MTRES1: variants seen among roughly 807,000 people sequenced by gnomAD.
MTRES1 encodes the protein mitochondrial transcription rescue factor 1.
Under a neutral mutation model 17.4 loss-of-function variants are expected in MTRES1, and 11 were observed. The observed-to-expected ratio is 0.63, with a 90% CI of 0.40 to 1.05. The LOEUF is 1.05. Ranked by LOEUF, MTRES1 falls within the 50% of genes least tolerant of loss-of-function variation. The probability of loss-of-function intolerance (pLI) is 0.00; values close to 1 mark genes in which losing one functional copy is unlikely to be tolerated. For missense variants in MTRES1, 268 were observed against 276.2 expected (o/e 0.97, Z 0.21); for synonymous variants, 94 against 99.6 (o/e 0.94, Z 0.34).
intron 3 of MTRES1, among the ~76,000 whole-genome samples, chr6:107,050,129 G>C (rs890579425): frequency 6.6e-6 from 1 of 152,224 alleles, no homozygotes; most frequent in South Asian, 2.1e-4. Context: ...CAGTGTCCTT[G>C]ACCTTGGAGC....
At chr6:107,047,634 C>T (rs1554228573) in intron 3 of MTRES1, among the ~76,000 whole-genome samples, 1 of 152,048 alleles carries the variant, frequency 6.6e-6, no homozygotes, top group African/African-American at 2.4e-5. Flanking sequence ...CCTGTAATCC[C>T]AGCACTTTGG....
At chr6:107,042,518 G>T (rs144227710) in intron 2 of MTRES1, among the ~76,000 whole-genome samples, 9 of 151,478 alleles carry the variant, frequency 5.9e-5, no homozygotes, top group African/African-American at 2.2e-4. Flanking sequence ...CCACATGTCA[G>T]TCACCTGGAA....
chr6:107,043,857 G>A (rs782073540), intron 2 of MTRES1, among the ~76,000 whole-genome samples: 8 of 152,172 alleles, frequency 5.3e-5, no homozygotes, highest in Non-Finnish European at 1.0e-4. Flanking sequence ...GGCCGGACGC[G>A]GTGGTTCACG....
At chr6:107,049,457 A>G (rs1213895868) in intron 3 of MTRES1, among the ~76,000 whole-genome samples, 4 of 120,024 alleles carry the variant, frequency 3.3e-5, no homozygotes, top group African/African-American at 1.3e-4. Flanking sequence ...TCTGTCGCCC[A>G]GGCTGGAGTG....
intron 2 of MTRES1, among the ~76,000 whole-genome samples, chr6:107,044,035 T>A (rs1774308039): frequency 6.6e-6 from 1 of 152,076 alleles, no homozygotes; most frequent in African/African-American, 2.4e-5. Context: ...GGCAGGAGAA[T>A]CACTTGAACC....
intron 2 of MTRES1, among the ~76,000 whole-genome samples, chr6:107,043,057 T>C (rs1370677550): frequency 6.6e-6 from 1 of 151,876 alleles, no homozygotes; most frequent in East Asian, 1.9e-4. Context: ...GAGGGCCGGG[T>C]GCGGTGGCTC....
intron 1 of MTRES1, chr6:107,028,805 C>A: frequency 1.3e-6 from 1 of 778,182 alleles, no homozygotes; most frequent in Non-Finnish European, 1.6e-6. Flanking sequence ...TCGGTTAGTT[C>A]AGATTGTATA....
rs1215291263 is a variant in MTRES1 at position 107,031,304 on chromosome 6, C to T, written c.-13+3033C>T. ...CTGAGGTGGGAGACTATGGCTTGAACTGGGGAGGCAGAGGTTGCAGTGAGC... is the reference window on the plus strand; with the variant it reads ...CTGAGGTGGGAGACTATGGCTTGAATTGGGGAGGCAGAGGTTGCAGTGAGC... On this transcript the variant is annotated intron_variant, in intron 1 of 3. Coordinates refer to ENST00000311381, the MANE Select transcript of MTRES1 (RefSeq NM_016487.5). Among the ~76,000 whole-genome samples the T allele has an allele frequency of 5.4e-5, 8 of 147,426 alleles. No individual in the cohort carries two copies. In the Admixed American group the frequency reaches 5.6e-4, roughly 10 times the overall value.
Position 107,039,965 on chromosome 6 carries a change from G to C in MTRES1, c.205G>C (p.Gly69Arg). 6.2e-7 allele frequency: 1 copy of C among 1,613,860 alleles called. No homozygotes were observed. The highest frequency in any genetic ancestry group is 8.5e-7 in the Non-Finnish European group (1 of 1,179,868). ...FYNIFSLRLP[G>R]LLLSPECIFP... is the part of the protein sequence containing the mutation. Reference sequence around the variant, plus strand: ...TAATATTTTCTCACTGAGACTCCCAGGGCTTTTACTATCTCCAGAATGTAT... The same window carrying C: ...TAATATTTTCTCACTGAGACTCCCACGGCTTTTACTATCTCCAGAATGTAT... The change falls in exon 2 of 4, where the codon GGG becomes CGG. Residue 69 changes from glycine (G) to arginine (R), a missense_variant. Transcript: ENST00000311381.
intron 3 of MTRES1, 69 bp from the exon 4 acceptor site, chr6:107,050,988 G>A (rs1774584306): frequency 2.3e-6 from 3 of 1,285,030 alleles, no homozygotes; most frequent in Non-Finnish European, 3.3e-6. Context: ...AAAACTCAGA[G>A]CAGTAATGTT....
At chr6:107,033,677 G>T (rs1773916063) in intron 1 of MTRES1, among the ~76,000 whole-genome samples, 1 of 152,126 alleles carries the variant, frequency 6.6e-6, no homozygotes, top group Non-Finnish European at 1.5e-5. Flanking sequence ...AATTAGCCGG[G>T]CGTGGTGGCG....
chr6:107,032,193 A>C (rs1264337837), intron 1 of MTRES1, among the ~76,000 whole-genome samples: 2 of 152,044 alleles, frequency 1.3e-5, no homozygotes, highest in East Asian at 3.9e-4. Context: ...CTTGCTTTTG[A>C]ATGAGACAAA....
At chr6:107,039,545 C>T (rs1370710309) in intron 1 of MTRES1, among the ~76,000 whole-genome samples, 1 of 152,088 alleles carries the variant, frequency 6.6e-6, no homozygotes, top group Non-Finnish European at 1.5e-5. Context: ...GTCTTGTACT[C>T]CTGACCTCAG....
intron 1 of MTRES1, among the ~76,000 whole-genome samples, chr6:107,031,225 TA>T (rs1773825332): frequency 6.6e-6 from 1 of 151,072 alleles, no homozygotes; most frequent in Admixed American, 6.6e-5. Flanking sequence ...ACTAAAAATA[TA>T]AAAAGTGGCC....
chr6:107,046,933 TGTGTGTGTGTGTGTGTG>T (rs782057455), intron 3 of MTRES1, among the ~76,000 whole-genome samples: 40,404 of 146,814 alleles, frequency 0.28, 6,031 homozygotes, highest in Non-Finnish European at 0.34. Flanking sequence ...TTCATTCTTG[TGTGTGTGTGTGTGTGTG>T]TGTGTGTGTG....
rs201199957 is a variant in MTRES1 at position 107,040,141 on chromosome 6, T to C, written c.381T>C (p.Thr127=). 1.2e-6 allele frequency: 2 copies of C among 1,613,714 alleles called. No individual in the cohort carries two copies. Among genetic ancestry groups the C allele is most frequent in the Non-Finnish European group, 1.7e-6 (2 of 1,179,986 alleles). ...EQEEELEDDP[T]VVKNYKDLEK... is the part of the protein sequence containing the mutation. ...AAGAGGAGCTTGAGGATGATCCTAC[T>C]GTAGTCAAAAACTATAAAGACCTGG... The change falls in exon 2 of 4, where the codon ACT becomes ACC. Residue 127 remains threonine (T), a synonymous_variant. Coordinates refer to ENST00000311381, the MANE Select transcript of MTRES1 (RefSeq NM_016487.5).
At chr6:107,050,680 G>A (rs1285945716) in intron 3 of MTRES1, among the ~76,000 whole-genome samples, 7 of 149,824 alleles carry the variant, frequency 4.7e-5, no homozygotes, top group South Asian at 2.1e-4. Context: ...GGGTCCAAGC[G>A]ATTCTCCTGC....
chr6:107,050,551 C>CTTTTTTTTTTTTTTTTTTTTTTTTTTTT (rs142268482), intron 3 of MTRES1, among the ~76,000 whole-genome samples: 5 of 81,516 alleles, frequency 6.1e-5, no homozygotes, highest in African/African-American at 1.0e-4. Context: ...CTCTCCCTTT[C>CTTTTTTTTTTTTTTTTTTTTTTTTTTTT]TTTTTTTTTT....
chr6:107,031,404 A>G (rs1444314096), intron 1 of MTRES1, among the ~76,000 whole-genome samples: 6 of 148,842 alleles, frequency 4.0e-5, no homozygotes, highest in Non-Finnish European at 5.9e-5. Flanking sequence ...AAAAAAGAAA[A>G]AAAAAGAAAA....
Sources: allele counts gnomAD v4.1 joint callset (sites outside exome capture counted in the v4.1 genomes callset), GRCh38; gene constraint gnomAD v4.1.1; transcripts MANE v1.5; gene names NCBI Gene and HGNC (gene_info 2026-07-23, HGNC 2026-07-21).